CSNK1G1: variants seen among roughly 807,000 people sequenced by gnomAD.
CSNK1G1 encodes the protein casein kinase 1 gamma 1, also known as casein kinase I isoform gamma-1.
In CSNK1G1, 22 loss-of-function variants were observed where a neutral mutation model predicts 59.6. That is an observed-to-expected ratio of 0.37 (90% CI 0.26 to 0.53). The LOEUF (loss-of-function observed/expected upper bound fraction) is 0.53. Among genes scored for constraint, CSNK1G1 ranks in the 20% least tolerant of loss-of-function variants. CSNK1G1 has a pLI of 0.89. For missense variants in CSNK1G1, 384 were observed against 519.5 expected (o/e 0.74, Z 2.54); for synonymous variants, 179 against 177.1 (o/e 1.01, Z -0.08).
intron 1 of CSNK1G1, among the ~76,000 whole-genome samples, chr15:64,348,049 A>C (rs1898074694): frequency 6.6e-6 from 1 of 151,994 alleles, no homozygotes; most frequent in Non-Finnish European, 1.5e-5. Flanking sequence ...CATATTGCTA[A>C]GTGAAAAAAA....
intron 1 of CSNK1G1, among the ~76,000 whole-genome samples, chr15:64,307,175 TTAACTAC>T (rs1895724135): frequency 1.3e-5 from 2 of 152,132 alleles, no homozygotes; most frequent in African/African-American, 2.4e-5. Context: ...TATTGGTTCG[TTAACTAC>T]TACAAATGTA....
intron 1 of CSNK1G1, among the ~76,000 whole-genome samples, chr15:64,308,782 A>G (rs1895829976): frequency 6.6e-6 from 1 of 152,072 alleles, no homozygotes; most frequent in South Asian, 2.1e-4. Flanking sequence ...CTGTAGTCCC[A>G]GCTACTCGGG....
At chr15:64,316,077 A>T (rs1289356098) in intron 1 of CSNK1G1, among the ~76,000 whole-genome samples, 1 of 152,182 alleles carries the variant, frequency 6.6e-6, no homozygotes, top group East Asian at 1.9e-4. Flanking sequence ...GCTACGCCGG[A>T]GTGCAGTAGC....
intron 1 of CSNK1G1, among the ~76,000 whole-genome samples, chr15:64,344,803 A>C (rs1361989994): frequency 6.6e-6 from 1 of 152,206 alleles, no homozygotes; most frequent in Non-Finnish European, 1.5e-5. Flanking sequence ...AAGTAGTCTC[A>C]GCTGTAAAAT....
At chr15:64,231,705 C>T (rs2082552503) in intron 4 of CSNK1G1, among the ~76,000 whole-genome samples, 1 of 152,004 alleles carries the variant, frequency 6.6e-6, no homozygotes, top group South Asian at 2.1e-4. Context: ...ATACATGCCA[C>T]TCTCTCTATA....
intron 4 of CSNK1G1, among the ~76,000 whole-genome samples, chr15:64,220,150 AG>A (rs1351700644): frequency 2.0e-5 from 3 of 151,010 alleles, no homozygotes; most frequent in African/African-American, 7.3e-5. Flanking sequence ...GCCGGAATGC[AG>A]TGGCGTGGTC....
chr15:64,251,595 A>T lies in CSNK1G1; in HGVS notation c.223-14T>A. The stretch of plus-strand genomic sequence containing the variant: ...TTTTATTGGTTCCTGAAATCCAAAA[A>T]GAAAAACTGTGATCAGATTTAAACA... On this transcript the variant is annotated splice_polypyrimidine_tract_variant and intron_variant, in intron 3 of 11. Transcript: ENST00000303052. 1 of 1,591,096 alleles carries T rather than the reference A, an allele frequency of 6.3e-7. No individual in the cohort carries two copies. The highest frequency in any genetic ancestry group is 8.6e-7 in the Non-Finnish European group (1 of 1,160,268).
chr15:64,230,529 C>A (rs2082532712), intron 4 of CSNK1G1, among the ~76,000 whole-genome samples: 1 of 152,142 alleles, frequency 6.6e-6, no homozygotes, highest in African/African-American at 2.4e-5. Context: ...AAGTCCTGGG[C>A]TCGAGCAGTT....
chr15:64,248,169 C>T (rs1272574763), intron 4 of CSNK1G1, among the ~76,000 whole-genome samples: 3 of 152,148 alleles, frequency 2.0e-5, no homozygotes, highest in African/African-American at 7.2e-5. Context: ...CAAACATTAA[C>T]TACCAATGAG....
intron 2 of CSNK1G1, among the ~76,000 whole-genome samples, chr15:64,263,236 T>C (rs1892794267): frequency 6.6e-6 from 1 of 151,892 alleles, no homozygotes; most frequent in Admixed American, 6.6e-5. Context: ...TTGCCCATGC[T>C]GGAGCGCAGT....
chr15:64,263,038 G>T (rs192513535), intron 2 of CSNK1G1, among the ~76,000 whole-genome samples: 1 of 131,410 alleles, frequency 7.6e-6, no homozygotes, highest in Non-Finnish European at 1.5e-5. Context: ...GAGATCACAC[G>T]ACTGCACTCC....
chr15:64,347,218 C>T (rs1898024564), intron 1 of CSNK1G1, among the ~76,000 whole-genome samples: 1 of 152,130 alleles, frequency 6.6e-6, no homozygotes, highest in South Asian at 2.1e-4. Flanking sequence ...ATGGTATAGC[C>T]ACTTTGGGAA....
chr15:64,273,029 C>G (rs1261446073), intron 2 of CSNK1G1, among the ~76,000 whole-genome samples: 2 of 152,160 alleles, frequency 1.3e-5, no homozygotes, highest in Non-Finnish European at 2.9e-5. Context: ...ATCAATTACC[C>G]CACTGTAAAA....
At chr15:64,258,313 G>C (rs1892503530) in intron 3 of CSNK1G1, among the ~76,000 whole-genome samples, 1 of 151,716 alleles carries the variant, frequency 6.6e-6, no homozygotes, top group African/African-American at 2.4e-5. Flanking sequence ...AGCCCAGGAG[G>C]CGGAGGTTGC....
chr15:64,334,040 A>G (rs903081615), intron 1 of CSNK1G1, among the ~76,000 whole-genome samples: 5 of 152,184 alleles, frequency 3.3e-5, no homozygotes, highest in African/African-American at 1.2e-4. Context: ...ACAAAGAAAC[A>G]CTGGATTTAA....
intron 5 of CSNK1G1, among the ~76,000 whole-genome samples, chr15:64,215,242 T>C (rs2082296561): frequency 6.9e-6 from 1 of 144,976 alleles, no homozygotes; most frequent in East Asian, 2.0e-4. Context: ...AGATGGAGTC[T>C]TGCTCTGTCG....
chr15:64,278,452 A>T (rs1893922875), intron 2 of CSNK1G1, among the ~76,000 whole-genome samples: 1 of 136,142 alleles, frequency 7.3e-6, no homozygotes, highest in South Asian at 2.3e-4. Flanking sequence ...TTTTGGACAC[A>T]GAGTCTCATT....
At chr15:64,349,027 C>T (rs966402431) in intron 1 of CSNK1G1, among the ~76,000 whole-genome samples, 2 of 151,524 alleles carry the variant, frequency 1.3e-5, no homozygotes, top group Admixed American at 1.3e-4. Flanking sequence ...ATTCCAGCTA[C>T]TCAGGAGTCT....
At chr15:64,354,236 T>C (rs1357867468) in intron 1 of CSNK1G1, among the ~76,000 whole-genome samples, 1 of 151,898 alleles carries the variant, frequency 6.6e-6, no homozygotes, top group Non-Finnish European at 1.5e-5. Context: ...ATCCTGGAGG[T>C]AGAGGTTGCA....
Sources: allele counts gnomAD v4.1 joint callset (sites outside exome capture counted in the v4.1 genomes callset), GRCh38; gene constraint gnomAD v4.1.1; transcripts MANE v1.5; gene names NCBI Gene and HGNC (gene_info 2026-07-23, HGNC 2026-07-21).